The following FEM1C variants were observed in gnomAD, a reference collection of about 807,000 sequenced individuals.
FEM1C encodes the protein fem-1 homolog C.
FEM1C carries 15 observed loss-of-function variants against 37.6 expected under a neutral mutation model. That is an observed-to-expected ratio of 0.40 (90% CI 0.27 to 0.61). The LOEUF is 0.61. Ranked by LOEUF, FEM1C falls within the 20% of genes least tolerant of loss-of-function variation. FEM1C has a pLI of 0.42. For synonymous variants in FEM1C, 287 were observed against 272.8 expected (o/e 1.05, Z -0.51); for missense variants, 532 against 749.7 (o/e 0.71, Z 3.39).
At chr5:115,532,426 T>C (rs1754035662) in intron 2 of FEM1C, among the ~76,000 whole-genome samples, 1 of 152,086 alleles carries the variant, frequency 6.6e-6, no homozygotes, top group Admixed American at 6.6e-5. Flanking sequence ...TCTTTTTAAT[T>C]ACTCTAACAG....
Position 115,525,312 on chromosome 5 carries a change from T to C in FEM1C, c.850A>G (p.Ile284Val), listed in dbSNP as rs1753867726. 6.2e-7 allele frequency: 1 copy of C among 1,613,778 alleles called. No homozygotes were observed. The highest frequency in any genetic ancestry group is 8.5e-7 in the Non-Finnish European group (1 of 1,179,832). Residue 284 changes from isoleucine to valine, a missense_variant, in exon 3 of 3, where the codon ATT (isoleucine) becomes GTT (valine). Ile to Val is a conservative substitution (Grantham distance 29). This residue lies in a region of FEM1C where 221 missense variants were observed against 404.1 expected (regional missense o/e 0.55). Coordinates refer to ENST00000274457, the MANE Select transcript of FEM1C (RefSeq NM_020177.3). ...NMRYSDRTNI[I>V]SKPVPQTLIM... is the part of the protein sequence containing the mutation. Reference sequence around the variant, plus strand: ...AGTGTCTGTGGCACTGGTTTACTAATAATATTAGTCCTATCACTGTACCTC... The same window carrying C: ...AGTGTCTGTGGCACTGGTTTACTAACAATATTAGTCCTATCACTGTACCTC...
intron 2 of FEM1C, among the ~76,000 whole-genome samples, chr5:115,541,678 A>G (rs1340279391): frequency 6.6e-6 from 1 of 152,184 alleles, no homozygotes; most frequent in Non-Finnish European, 1.5e-5. Context: ...GAGACTAGAT[A>G]AATTATGTAC....
Position 115,540,037 on chromosome 5 carries a change from C to T in FEM1C, c.544+2913G>A, listed in dbSNP as rs114983196. Among the ~76,000 whole-genome samples the T allele has an allele frequency of 5.0e-3, 764 of 152,206 alleles. 2 individuals carry two copies. Among genetic ancestry groups the T allele is most frequent in the South Asian group, 0.012 (60 of 4,822 alleles). On this transcript the variant is annotated intron_variant, in intron 2 of 2. Transcript: ENST00000274457. ...AGAACCATTTCCAGTGAATGACACA[C>T]AAAATGTCCTAAGGAATTATTCTAA...
rs193038859 is a variant in FEM1C at position 115,530,927 on chromosome 5, G to A, written c.545-5310C>T. On this transcript the variant is annotated intron_variant, in intron 2 of 2. Coordinates refer to ENST00000274457, the MANE Select transcript of FEM1C (RefSeq NM_020177.3). ...AGAAAAAACAGTAAATTAAATTAGA[G>A]AAAGTAGAAGCAAACAGTAAAAAAA... Among the ~76,000 whole-genome samples, 22 of 151,010 alleles carry A rather than the reference G, an allele frequency of 1.5e-4. 1 individual carries two copies. The East Asian group carries it at 4.1e-3, about 28-fold the overall frequency.
chr5:115,539,010 A>AT (rs1754186502), intron 2 of FEM1C, among the ~76,000 whole-genome samples: 1 of 152,020 alleles, frequency 6.6e-6, no homozygotes, highest in Non-Finnish European at 1.5e-5. Flanking sequence ...TGCTTATACT[A>AT]TTCCTTCAGA....
At chr5:115,529,104 C>CA (rs1365378205) in intron 2 of FEM1C, among the ~76,000 whole-genome samples, 2 of 151,580 alleles carry the variant, frequency 1.3e-5, no homozygotes, top group Non-Finnish European at 1.5e-5. Flanking sequence ...AATTCTAGAG[C>CA]AAAAAAATGG....
intron 2 of FEM1C, among the ~76,000 whole-genome samples, chr5:115,536,966 G>A (rs866636271): frequency 2.0e-5 from 3 of 152,022 alleles, no homozygotes; most frequent in Admixed American, 6.6e-5. Context: ...GCTAAGGGAT[G>A]AGGACTAAAA....
In FEM1C at chr5:115,525,331, G is replaced by A; in HGVS notation, c.831C>T (p.Tyr277=). The change falls in exon 3 of 3, where the codon TAC becomes TAT. Residue 277 remains tyrosine (Y), a synonymous_variant. Transcript: ENST00000274457. ...KYWKKAMNMR[Y]SDRTNIISKP... ...TACTAATAATATTAGTCCTATCACT[G>A]TACCTCATGTTCATTGCCTTTTTCC... 1 of 1,613,592 alleles carries A rather than the reference G, an allele frequency of 6.2e-7. No individual in the cohort carries two copies. Among genetic ancestry groups the A allele is most frequent in the Non-Finnish European group, 8.5e-7 (1 of 1,179,782 alleles).
intron 2 of FEM1C, among the ~76,000 whole-genome samples, chr5:115,539,728 G>A (rs1409606338): frequency 6.6e-6 from 1 of 152,042 alleles, no homozygotes; most frequent in Admixed American, 6.6e-5. Flanking sequence ...AGCTCCTCAA[G>A]AGCAGGGAAT....
chr5:115,533,526 T>C (rs1580381864), intron 2 of FEM1C, among the ~76,000 whole-genome samples: 1 of 152,034 alleles, frequency 6.6e-6, no homozygotes, highest in South Asian at 2.1e-4. Flanking sequence ...AAAATCATAT[T>C]TTCTTTTTTG....
chr5:115,523,220 G>C lies in FEM1C; in HGVS notation c.*1088C>G, dbSNP rs1018100033. On this transcript the variant is annotated 3_prime_UTR_variant, in exon 3 of 3. Coordinates refer to ENST00000274457, the MANE Select transcript of FEM1C (RefSeq NM_020177.3). The stretch of plus-strand genomic sequence containing the variant: ...ATACTAAAATACCTTAATTATCCTA[G>C]ATGCCTAGATCTGGCTTGGCAAGCA... 4.6e-5 allele frequency: 7 copies of C among 152,374 alleles called. No individual in the cohort carries two copies. Among genetic ancestry groups the C allele is most frequent in the Non-Finnish European group, 8.8e-5 (6 of 67,944 alleles). The allele number at this position is 152,374 out of a possible 1,614,324, so 9.4% of individuals were successfully genotyped here.
intron 2 of FEM1C, among the ~76,000 whole-genome samples, chr5:115,531,685 T>C (rs905563727): frequency 6.6e-6 from 1 of 152,162 alleles, no homozygotes; most frequent in Non-Finnish European, 1.5e-5. Context: ...GATATGGCTG[T>C]TTCCCAACAA....
At chr5:115,531,832 T>C (rs976491438) in intron 2 of FEM1C, among the ~76,000 whole-genome samples, 9 of 152,128 alleles carry the variant, frequency 5.9e-5, no homozygotes, top group Non-Finnish European at 1.2e-4. Context: ...GTGGGCTGGA[T>C]TTGAACCCTG....
intron 2 of FEM1C, among the ~76,000 whole-genome samples, chr5:115,531,043 T>C (rs1355061386): frequency 6.6e-6 from 1 of 152,094 alleles, no homozygotes; most frequent in African/African-American, 2.4e-5. Context: ...TTTAATCTTA[T>C]ATTAATAACT....
chr5:115,540,750 C>A (rs956137006), intron 2 of FEM1C, among the ~76,000 whole-genome samples: 1 of 152,002 alleles, frequency 6.6e-6, no homozygotes, highest in Non-Finnish European at 1.5e-5. Flanking sequence ...GGAAGTAATA[C>A]CAGTTCTCAT....
rs532502326 is a variant in FEM1C at position 115,522,814 on chromosome 5, C to T, written c.*1494G>A. The T allele has an allele frequency of 1.3e-4, 20 of 152,534 alleles. No homozygotes were observed. The highest frequency in any genetic ancestry group is 2.0e-4 in the Admixed American group (3 of 15,252). 9.4% of individuals were successfully genotyped at this position (152,534 alleles called of 1,614,324 possible). On this transcript the variant is annotated 3_prime_UTR_variant, in exon 3 of 3. Transcript: ENST00000274457. ...GACATTTGCAGGGCAAATATGCCAT[C>T]ATAAATTTTATTCTGAATTACAATA...
chr5:115,540,696 A>G (rs1754223289), intron 2 of FEM1C, among the ~76,000 whole-genome samples: 1 of 152,116 alleles, frequency 6.6e-6, no homozygotes, highest in Non-Finnish European at 1.5e-5. Flanking sequence ...TCTCTCATAT[A>G]CTATATCTCC....
chr5:115,526,121 A>G (rs1753886090), intron 2 of FEM1C, among the ~76,000 whole-genome samples: 1 of 152,160 alleles, frequency 6.6e-6, no homozygotes, highest in South Asian at 2.1e-4. Context: ...TTAGTCTCCC[A>G]AAGTGCTGGG....
intron 2 of FEM1C, among the ~76,000 whole-genome samples, chr5:115,537,583 CA>C (rs1315167902): frequency 1.3e-5 from 2 of 151,968 alleles, no homozygotes; most frequent in African/African-American, 4.8e-5. Context: ...AAAAGTGTGC[CA>C]GGGGATACAA....
Sources: gnomAD v4.1 joint callset for allele counts (sites outside exome capture counted in the v4.1 genomes callset) on GRCh38, gnomAD v4.1.1 for gene constraint, gnomAD v4.1.1 regional missense constraint, MANE v1.5 for transcripts, NCBI Gene and HGNC (gene_info 2026-07-23, HGNC 2026-07-21) for gene names.